AGBL4: variants seen among roughly 807,000 people sequenced by gnomAD.
AGBL4 encodes the protein cytosolic carboxypeptidase 6.
In AGBL4, 58 loss-of-function variants were observed where a neutral mutation model predicts 66.4. The ratio of observed to expected loss-of-function variants is 0.87; its 90% confidence interval spans 0.71 to 1.09. The LOEUF is 1.09. Among genes scored for constraint, AGBL4 ranks in the 50% least tolerant of loss-of-function variants. The pLI is 0.00. For missense variants in AGBL4, 579 were observed against 631.0 expected, an observed-to-expected ratio of 0.92 and a Z score of 0.88; for synonymous variants, 234 against 222.9, an observed-to-expected ratio of 1.05 and a Z score of -0.44.
At chr1:49,046,537 G>A (rs1644085248) in intron 4 of AGBL4, among the ~76,000 whole-genome samples, 1 of 152,116 alleles carries the variant, frequency 6.6e-6, no homozygotes, top group African/African-American at 2.4e-5. Flanking sequence ...AAACAAAAAT[G>A]TTGCAGTCAT....
intron 3 of AGBL4, among the ~76,000 whole-genome samples, chr1:49,246,483 T>G (rs1408774650): frequency 6.6e-6 from 1 of 151,930 alleles, no homozygotes; most frequent in African/African-American, 2.4e-5. Flanking sequence ...TTTGTTATTT[T>G]CTACTAGGGG....
chr1:49,125,539 T>A (rs1334429040), intron 4 of AGBL4, among the ~76,000 whole-genome samples: 1 of 151,966 alleles, frequency 6.6e-6, no homozygotes, highest in Non-Finnish European at 1.5e-5. Context: ...TTAGGATAAA[T>A]CTGAAGAGAA....
intron 3 of AGBL4, among the ~76,000 whole-genome samples, chr1:49,429,850 ATT>A (rs1186333971): frequency 3.9e-4 from 55 of 139,582 alleles, no homozygotes; most frequent in African/African-American, 9.4e-4. Flanking sequence ...CTTTGAATAT[ATT>A]TTTTTTTTTT....
intron 3 of AGBL4, among the ~76,000 whole-genome samples, chr1:49,382,701 C>G (rs1376715876): frequency 6.6e-6 from 1 of 152,046 alleles, no homozygotes; most frequent in Non-Finnish European, 1.5e-5. Flanking sequence ...AGGCATCCAA[C>G]TTGTAAAGGA....
At chr1:49,017,477 A>T (rs1005893323) in intron 5 of AGBL4, among the ~76,000 whole-genome samples, 6 of 152,210 alleles carry the variant, frequency 3.9e-5, no homozygotes, top group African/African-American at 1.4e-4. Flanking sequence ...GTGGCATAAT[A>T]TCATCTAATG....
chr1:49,110,952 T>C (rs1645394344), intron 4 of AGBL4, among the ~76,000 whole-genome samples: 3 of 152,128 alleles, frequency 2.0e-5, no homozygotes, highest in Admixed American at 2.0e-4. Flanking sequence ...TAGAAGCCAA[T>C]GTATTTTTTA....
intron 3 of AGBL4, among the ~76,000 whole-genome samples, chr1:49,358,830 C>A (rs1286869164): frequency 6.6e-6 from 1 of 152,032 alleles, no homozygotes; most frequent in Admixed American, 6.6e-5. Flanking sequence ...TGAAGAACCA[C>A]ATTTATTGAC....
chr1:49,378,429 A>G (rs1399046089), intron 3 of AGBL4, among the ~76,000 whole-genome samples: 1 of 152,038 alleles, frequency 6.6e-6, no homozygotes, highest in Non-Finnish European at 1.5e-5. Context: ...TGAAAACCTA[A>G]CACTGTTGAG....
At chr1:48,601,114 A>T (rs899926716) in intron 9 of AGBL4, among the ~76,000 whole-genome samples, 6 of 152,104 alleles carry the variant, frequency 3.9e-5, no homozygotes, top group Admixed American at 3.3e-4. Flanking sequence ...AATGACTATG[A>T]TAATGATAAT....
intron 2 of AGBL4, among the ~76,000 whole-genome samples, chr1:49,732,228 G>C (rs1461742646): frequency 6.6e-6 from 1 of 152,198 alleles, no homozygotes; most frequent in African/African-American, 2.4e-5. Flanking sequence ...ATCCACAGTG[G>C]AGGCAGAGAG....
intron 1 of AGBL4, among the ~76,000 whole-genome samples, chr1:49,911,558 T>C (rs959593042): frequency 1.3e-5 from 2 of 152,200 alleles, no homozygotes; most frequent in African/African-American, 4.8e-5. Flanking sequence ...AACCCCACTG[T>C]CAGTCTAAAG....
chr1:49,125,275 AAT>A (rs1267704080), intron 4 of AGBL4, among the ~76,000 whole-genome samples: 5 of 151,958 alleles, frequency 3.3e-5, no homozygotes, highest in African/African-American at 1.2e-4. Context: ...GTAGGTACTT[AAT>A]ATATATATAT....
At chr1:48,931,940 C>G (rs1291343880) in intron 5 of AGBL4, among the ~76,000 whole-genome samples, 4 of 152,154 alleles carry the variant, frequency 2.6e-5, no homozygotes, top group African/African-American at 9.7e-5. Context: ...GTGCTCTTCT[C>G]CCTGCATGCA....
chr1:49,476,937 C>T (rs1318621341), intron 3 of AGBL4, among the ~76,000 whole-genome samples: 1 of 152,020 alleles, frequency 6.6e-6, no homozygotes, highest in African/African-American at 2.4e-5. Context: ...GTAAGTACTC[C>T]CTAAGGGCCT....
intron 5 of AGBL4, among the ~76,000 whole-genome samples, chr1:48,991,889 T>A (rs1347443719): frequency 1.3e-5 from 2 of 152,226 alleles, no homozygotes; most frequent in Non-Finnish European, 2.9e-5. Context: ...CTTAATTCCT[T>A]GTCTGTGTTA....
rs372960346 is a variant in AGBL4, at chr1:50,002,359, C to CTTTTT, written c.34+21399_34+21403dup. ...TTGAGCCCTTAAATCTGCCCTAGTTCTTTTTTTTTTTTTTTTTTTTTTTTT... is the reference window on the plus strand; with the variant it reads ...TTGAGCCCTTAAATCTGCCCTAGTTCTTTTTTTTTTTTTTTTTTTTTTTTTTTTTT... On this transcript the variant is annotated intron_variant, in intron 1 of 13. Coordinates refer to ENST00000371839, the MANE Select transcript of AGBL4 (RefSeq NM_032785.4). Among the ~76,000 whole-genome samples the CTTTTT allele has an allele frequency of 3.4e-4, 33 of 96,030 alleles. 3 individuals carry two copies. The highest frequency in any genetic ancestry group is 8.6e-4 in the African/African-American group (19 of 22,154). 63.0% of individuals were successfully genotyped at this position (96,030 alleles called of 152,430 possible).
chr1:49,401,226 T>C (rs990230328), intron 3 of AGBL4, among the ~76,000 whole-genome samples: 4 of 152,124 alleles, frequency 2.6e-5, no homozygotes, highest in Non-Finnish European at 4.4e-5. Flanking sequence ...ATGAGTGCCA[T>C]GCGAAGGGGG....
chr1:48,866,678 G>T (rs115534391), intron 6 of AGBL4, among the ~76,000 whole-genome samples: 3,815 of 152,234 alleles, frequency 0.025, 141 homozygotes, highest in African/African-American at 0.088. Context: ...TTAATCCCAT[G>T]GTCATGGTCA....
chr1:49,017,741 C>G lies in AGBL4; in HGVS notation c.594+27843G>C, dbSNP rs371741448. ...TGATAGGTGCTTAATATATATTGAA[C>G]GAATGAATTAAAATAACAAAATAAT... On this transcript the variant is annotated intron_variant, in intron 5 of 13. Transcript: ENST00000371839. Among the ~76,000 whole-genome samples, 19 of 152,210 alleles carry G rather than the reference C, an allele frequency of 1.2e-4. 1 individual carries two copies. Among genetic ancestry groups the G allele is most frequent in the African/African-American group, 4.6e-4 (19 of 41,530 alleles).
Sources: allele counts gnomAD v4.1 joint callset (sites outside exome capture counted in the v4.1 genomes callset), GRCh38; gene constraint gnomAD v4.1.1; transcripts MANE v1.5; gene names NCBI Gene and HGNC (gene_info 2026-07-23, HGNC 2026-07-21).